Variants in GRM8 observed in about 807,000 individuals in gnomAD.
GRM8 encodes the protein metabotropic glutamate receptor 8.
A neutral mutation model predicts 87.2 loss-of-function variants in GRM8; 47 were observed. That is an observed-to-expected ratio of 0.54 (90% CI 0.43 to 0.69). GRM8 has a LOEUF of 0.69. Among genes scored for constraint, GRM8 ranks in the 30% least tolerant of loss-of-function variants. The pLI is 0.00. For missense variants in GRM8, 1,019 were observed against 1,139.2 expected (o/e 0.89, Z 1.52); for synonymous variants, 396 against 404.5 (o/e 0.98, Z 0.25).
Position 126,693,776 on chromosome 7 carries a change from A to C in GRM8, c.1357+76089T>G, listed in dbSNP as rs925287289. Among the ~76,000 whole-genome samples the C allele has an allele frequency of 2.6e-5, 4 of 152,156 alleles. No individual in the cohort carries two copies. In the South Asian group the frequency reaches 8.3e-4, roughly 31 times the overall value. ...TAATCTTTTGCTGGGCATATAAAAT[A>C]GTAGTCTGATCTCTGTGCCTTCTTA... On this transcript the variant is annotated intron_variant, in intron 7 of 10. Transcript: ENST00000339582.
At position 126,685,471 on chromosome 7, in the gene GRM8, T is replaced by C. The variant is rs1194702718; in HGVS notation, c.1358-75973A>G. Among the ~76,000 whole-genome samples the C allele has an allele frequency of 6.6e-6, 1 of 152,076 alleles. No homozygotes were observed. Among genetic ancestry groups the C allele is most frequent in the Non-Finnish European group, 1.5e-5 (1 of 67,982 alleles). ...CCATCTCTGGACCCAGGCATCTCTGTGTTCCTGGGGGCCCAGGAAGGCCCC... is the reference window on the plus strand; with the variant it reads ...CCATCTCTGGACCCAGGCATCTCTGCGTTCCTGGGGGCCCAGGAAGGCCCC... On this transcript the variant is annotated intron_variant, in intron 7 of 10. Transcript: ENST00000339582. The surrounding 1 kb of genome is among the most constrained non-coding windows in gnomAD (Gnocchi z 4.2).
rs150591909 is a variant in GRM8 at position 127,066,112 on chromosome 7, G to C, written c.727+40384C>G. 4.8e-3 allele frequency among the ~76,000 whole-genome samples: 730 copies of C among 152,226 alleles called. 6 individuals carry two copies. Among genetic ancestry groups the C allele is most frequent in the African/African-American group, 0.017 (699 of 41,528 alleles). On this transcript the variant is annotated intron_variant, in intron 3 of 10. Coordinates refer to ENST00000339582, the MANE Select transcript of GRM8 (RefSeq NM_000845.3). ...TGGTTTTTCTTAATGTTTAATGGTAGCAAAGTCATCACATTGAAGAAACCT... is the reference window on the plus strand; with the variant it reads ...TGGTTTTTCTTAATGTTTAATGGTACCAAAGTCATCACATTGAAGAAACCT...
rs182141594 is a variant in GRM8, at chr7:127,116,659, G to A, written c.511-9947C>T. 2.2e-4 allele frequency among the ~76,000 whole-genome samples: 33 copies of A among 152,302 alleles called. No individual in the cohort carries two copies. The East Asian group carries it at 6.4e-3, about 29-fold the overall frequency. On this transcript the variant is annotated intron_variant, in intron 2 of 10. Coordinates refer to ENST00000339582, the MANE Select transcript of GRM8 (RefSeq NM_000845.3). ...ACATTAAGTTGACACATTGAAAAAT[G>A]AAGAAGAAAAAGGAATGAACACTGA...
At chr7:126,878,568 G>C (rs1225143271) in intron 6 of GRM8, among the ~76,000 whole-genome samples, 4 of 142,894 alleles carry the variant, frequency 2.8e-5, no homozygotes, top group African/African-American at 1.1e-4. Context: ...CGCACAGGCT[G>C]GAGTGCAGTG....
intron 2 of GRM8, among the ~76,000 whole-genome samples, chr7:127,212,498 A>C (rs1409725002): frequency 6.2e-5 from 9 of 144,594 alleles, no homozygotes; most frequent in Non-Finnish European, 7.5e-5. Context: ...GCTCACTGCA[A>C]GCTCCGCCTC....
intron 2 of GRM8, among the ~76,000 whole-genome samples, chr7:127,216,475 G>A (rs959092637): frequency 9.7e-5 from 13 of 133,640 alleles, no homozygotes; most frequent in East Asian, 2.2e-4. Flanking sequence ...CCAAGATCGC[G>A]CCACTGCACT....
chr7:126,821,201 A>G (rs1794266774), intron 6 of GRM8, among the ~76,000 whole-genome samples: 1 of 152,044 alleles, frequency 6.6e-6, no homozygotes. Flanking sequence ...TATTTATTTC[A>G]CCATTTGCTG....
At chr7:126,728,671 T>C (rs924319407) in intron 7 of GRM8, among the ~76,000 whole-genome samples, 3 of 152,164 alleles carry the variant, frequency 2.0e-5, no homozygotes, top group African/African-American at 2.4e-5. Context: ...TGAAAAGTCA[T>C]AGGAAGAGAA....
At chr7:126,917,648 G>T (rs543172179) in intron 3 of GRM8, among the ~76,000 whole-genome samples, 46 of 152,138 alleles carry the variant, frequency 3.0e-4, no homozygotes, top group African/African-American at 1.1e-3. Flanking sequence ...TGCAAACCTT[G>T]TCAACCTAAT....
At chr7:126,567,472 G>A (rs1794328111) in intron 8 of GRM8, among the ~76,000 whole-genome samples, 1 of 152,058 alleles carries the variant, frequency 6.6e-6, no homozygotes, top group Non-Finnish European at 1.5e-5. Context: ...ATAAGTTAAT[G>A]GGTGCAGCAC....
intron 8 of GRM8, among the ~76,000 whole-genome samples, chr7:126,547,287 G>GA (rs576194055): frequency 3.2e-4 from 48 of 152,150 alleles, no homozygotes; most frequent in South Asian, 1.0e-3. Flanking sequence ...CAAATAGAGA[G>GA]AAAAGTAATT....
chr7:126,665,595 T>C (rs1805670364), intron 7 of GRM8, among the ~76,000 whole-genome samples: 1 of 152,008 alleles, frequency 6.6e-6, no homozygotes. Flanking sequence ...CACTGGGGAC[T>C]ACTAGAAGAA....
intron 6 of GRM8, chr7:126,869,934 A>T (rs896142070): frequency 9.5e-5 from 2 of 21,030 alleles, no homozygotes; most frequent in Non-Finnish European, 1.7e-4. Context: ...CTCATAGATT[A>T]AAAAAAAAAA....
At chr7:126,760,631 T>G (rs915201966) in intron 7 of GRM8, among the ~76,000 whole-genome samples, 1 of 152,194 alleles carries the variant, frequency 6.6e-6, no homozygotes, top group Non-Finnish European at 1.5e-5. Context: ...AAAAAGTGAA[T>G]GTATATACAG....
At chr7:126,799,808 T>C (rs909547244) in intron 6 of GRM8, among the ~76,000 whole-genome samples, 5 of 152,136 alleles carry the variant, frequency 3.3e-5, no homozygotes, top group African/African-American at 1.2e-4. Context: ...TTGCTATGCC[T>C]CCTCACCTGT....
chr7:126,918,347 C>T (rs1305796974), intron 3 of GRM8, among the ~76,000 whole-genome samples: 1 of 152,162 alleles, frequency 6.6e-6, no homozygotes, highest in African/African-American at 2.4e-5. Flanking sequence ...CACAGAGATG[C>T]ATATTTCCTT....
chr7:127,197,597 CA>C (rs542427990), intron 2 of GRM8, among the ~76,000 whole-genome samples: 124 of 142,212 alleles, frequency 8.7e-4, no homozygotes, highest in East Asian at 2.5e-3. Flanking sequence ...ACATGTCTGT[CA>C]AAAAAAAAAA....
intron 9 of GRM8, among the ~76,000 whole-genome samples, chr7:126,528,812 T>C (rs940144615): frequency 1.3e-5 from 2 of 152,150 alleles, no homozygotes; most frequent in African/African-American, 4.8e-5. Context: ...TTACCACCTA[T>C]AGATACATAG....
intron 9 of GRM8, among the ~76,000 whole-genome samples, chr7:126,517,713 T>A (rs1242444201): frequency 6.6e-6 from 1 of 152,100 alleles, no homozygotes; most frequent in Non-Finnish European, 1.5e-5. Flanking sequence ...CTTGCACTAA[T>A]ATCTTCATAG....
Sources: gnomAD v4.1 joint callset for allele counts (sites outside exome capture counted in the v4.1 genomes callset) on GRCh38, gnomAD v4.1.1 for gene constraint, Gnocchi (gnomAD v3.1) non-coding constraint, MANE v1.5 for transcripts, NCBI Gene and HGNC (gene_info 2026-07-23, HGNC 2026-07-21) for gene names.